WNT11: variants seen among roughly 807,000 people sequenced by gnomAD.
WNT11 encodes Wnt family member 11.
A neutral mutation model predicts 35.6 loss-of-function variants in WNT11; 20 were observed. The ratio of observed to expected loss-of-function variants is 0.56; its 90% CI spans 0.40 to 0.82. The LOEUF is 0.82. Among genes scored for constraint, WNT11 ranks in the 40% least tolerant of loss-of-function variants. WNT11 has a pLI of 0.00. For synonymous variants in WNT11, 200 were observed against 211.9 expected (o/e 0.94, Z 0.49); for missense variants, 459 against 504.4 (o/e 0.91, Z 0.86).
At chr11:76,195,167 C>T (rs1591305518) in intron 2 of WNT11, 2 of 363,252 alleles carry the variant, frequency 5.5e-6, no homozygotes, top group South Asian at 1.9e-4. Flanking sequence ...GCTCTGAGCT[C>T]CTGATGCGCC....
chr11:76,206,291 G>T (rs1366061753), intron 1 of WNT11, 34 bp downstream of exon 1: 1 of 1,475,166 alleles, frequency 6.8e-7, no homozygotes. Flanking sequence ...CCCAGTCCCT[G>T]GCCTGTGCGC....
intron 2 of WNT11, among the ~76,000 whole-genome samples, chr11:76,195,957 C>G (rs1039636668): frequency 7.9e-5 from 12 of 152,140 alleles, no homozygotes; most frequent in African/African-American, 1.7e-4. Flanking sequence ...GTACATGGGT[C>G]CCCCAGACTC....
intron 1 of WNT11, among the ~76,000 whole-genome samples, chr11:76,200,379 T>C (rs1239339020): frequency 6.6e-6 from 1 of 152,240 alleles, no homozygotes; most frequent in Non-Finnish European, 1.5e-5. Context: ...CCTTACTTCC[T>C]GGGTGGGCTC....
rs190434856 is a variant in WNT11 at position 76,200,726 on chromosome 11, G to A, written c.84-4008C>T. On this transcript the variant is annotated intron_variant, in intron 1 of 4. Transcript: ENST00000322563. ...CTTTGCTCTGAGCGGTCCCCACCCAGCCCGTCCTGAGCCTGCTCTGCCGCT... is the reference window on the plus strand; with the variant it reads ...CTTTGCTCTGAGCGGTCCCCACCCAACCCGTCCTGAGCCTGCTCTGCCGCT... 1.7e-3 allele frequency among the ~76,000 whole-genome samples: 258 copies of A among 152,328 alleles called. 1 individual carries two copies. The highest frequency in any genetic ancestry group is 6.0e-3 in the African/African-American group (248 of 41,572).
At chr11:76,209,084 G>C (rs1488391316), upstream of WNT11, among the ~76,000 whole-genome samples, 1 of 152,172 alleles carries the variant, frequency 6.6e-6, no homozygotes, top group African/African-American at 2.4e-5. Flanking sequence ...ACGTGTCGAG[G>C]GAGTGCCCCC....
intron 2 of WNT11, among the ~76,000 whole-genome samples, chr11:76,195,552 C>A (rs562464792): frequency 1.0e-3 from 156 of 152,220 alleles, no homozygotes; most frequent in Non-Finnish European, 2.1e-3. Flanking sequence ...CCTGCTGACA[C>A]CTCGATTTCA....
intron 1 of WNT11, among the ~76,000 whole-genome samples, chr11:76,198,891 T>C (rs1205526000): frequency 1.3e-5 from 2 of 152,180 alleles, no homozygotes; most frequent in Non-Finnish European, 2.9e-5. Flanking sequence ...CCCAGCACTT[T>C]GGGAGGCCAA....
intron 1 of WNT11, among the ~76,000 whole-genome samples, chr11:76,197,828 G>A (rs938820576): frequency 5.3e-5 from 8 of 152,026 alleles, no homozygotes; most frequent in African/African-American, 1.9e-4. Context: ...CTTCTCTGAG[G>A]GCAGCCTGCA....
intron 2 of WNT11, among the ~76,000 whole-genome samples, chr11:76,195,408 G>C (rs1953266037): frequency 6.6e-6 from 1 of 152,208 alleles, no homozygotes; most frequent in Non-Finnish European, 1.5e-5. Flanking sequence ...GAGGGAGCTT[G>C]CCCTGTGATG....
chr11:76,187,149 C>T lies in WNT11; in HGVS notation c.981G>A (p.Glu327=), dbSNP rs1953108911. Residue 327 remains glutamate (E), a synonymous_variant, in exon 5 of 5, where the codon GAG becomes GAA. Transcript: ENST00000322563. The stretch of plus-strand genomic sequence containing the variant: ...ACCAGTGGTACTTACAGTGGCACCG[C>T]TCGACCACGCGGTCTGTGTAGGGGT... ...GYNPYTDRVV[E]RCHCKYHWCC... 1 of 1,612,150 alleles carries T rather than the reference C, an allele frequency of 6.2e-7. No individual in the cohort carries two copies. The highest frequency in any genetic ancestry group is 8.5e-7 in the Non-Finnish European group (1 of 1,180,026).
chr11:76,192,717 C>T (rs866280117), intron 3 of WNT11, among the ~76,000 whole-genome samples: 2 of 152,224 alleles, frequency 1.3e-5, no homozygotes, highest in African/African-American at 2.4e-5. Flanking sequence ...AAAAAGGACT[C>T]GGGCCCACCA....
intron 2 of WNT11, 111 bp downstream of exon 2, chr11:76,196,372 T>TCATCCACCCACCCATGAAC (rs1953285975): frequency 8.1e-6 from 10 of 1,238,618 alleles, no homozygotes; most frequent in Non-Finnish European, 1.2e-6. Flanking sequence ...CATCCATGAA[T>TCATCCACCCACCCATGAAC]CCATCATCCA....
rs763287467 is a variant in WNT11 at position 76,196,589 on chromosome 11, G to A, written c.213C>T (p.His71=). 42 of 1,613,486 alleles carry A rather than the reference G, an allele frequency of 2.6e-5. No individual in the cohort carries two copies. The highest frequency in any genetic ancestry group is 6.7e-5 in the East Asian group (3 of 44,898). The part of the protein sequence containing the change: ...SNLELMHTVV[H]AAREVMKACR... Reference sequence around the variant, plus strand: ...AGGCCTTCATGACCTCGCGGGCGGCGTGCACCACCGTGTGCATGAGCTCCA... The same window carrying A: ...AGGCCTTCATGACCTCGCGGGCGGCATGCACCACCGTGTGCATGAGCTCCA... Residue 71 remains histidine (H), a synonymous_variant, in exon 2 of 5, where the codon CAC becomes CAT. Transcript: ENST00000322563.
chr11:76,187,630 C>G (rs1435131972), intron 4 of WNT11, among the ~76,000 whole-genome samples: 1 of 151,078 alleles, frequency 6.6e-6, no homozygotes, highest in African/African-American at 2.4e-5. Context: ...GGACTACAGG[C>G]ACACACCACC....
At chr11:76,202,214 G>A (rs966829839) in intron 1 of WNT11, among the ~76,000 whole-genome samples, 10 of 152,262 alleles carry the variant, frequency 6.6e-5, no homozygotes, top group Admixed American at 5.9e-4. Context: ...CCCAGGGAGA[G>A]AGATGGGGTG....
At chr11:76,202,245 G>A (rs1953391039) in intron 1 of WNT11, among the ~76,000 whole-genome samples, 1 of 152,182 alleles carries the variant, frequency 6.6e-6, no homozygotes, top group African/African-American at 2.4e-5. Flanking sequence ...ATGGCGATGA[G>A]AGAGACCCTG....
In WNT11 at chr11:76,191,695, G is replaced by A; in HGVS notation, c.759C>T (p.Gly253=). 1 of 1,613,968 alleles carries A rather than the reference G, an allele frequency of 6.2e-7. No homozygotes were observed. Among genetic ancestry groups the A allele is most frequent in the Non-Finnish European group, 8.5e-7 (1 of 1,180,032 alleles). ...CCTTGGGCACCAGGTGCTTGCGGGT[G>A]CCCATGGGTCGGTGCACTACCTTGG... ...SATKVVHRPM[G]TRKHLVPKDL... is the part of the protein sequence containing the mutation. The change falls in exon 4 of 5, where the codon GGC becomes GGT. Residue 253 remains glycine, a synonymous_variant. Transcript: ENST00000322563.
At chr11:76,195,095 T>G in intron 2 of WNT11, 21 of 500,524 alleles carry the variant, frequency 4.2e-5, no homozygotes, top group Middle Eastern at 5.1e-4. Context: ...CTCACAGCTC[T>G]AGGCTTCCAC....
chr11:76,190,013 G>A (rs1329365616), intron 4 of WNT11, among the ~76,000 whole-genome samples: 4 of 151,906 alleles, frequency 2.6e-5, no homozygotes, highest in African/African-American at 9.7e-5. Context: ...GAGGAGTGAG[G>A]GGCAGCTGGG....
Sources: allele counts gnomAD v4.1 joint callset (sites outside exome capture counted in the v4.1 genomes callset), GRCh38; gene constraint gnomAD v4.1.1; transcripts MANE v1.5; gene names NCBI Gene and HGNC (gene_info 2026-07-23, HGNC 2026-07-21).